MTOR: variants seen among roughly 807,000 people sequenced by gnomAD.
MTOR encodes mechanistic target of rapamycin kinase.
A neutral mutation model predicts 319.8 loss-of-function variants in MTOR; 70 were observed. The observed-to-expected ratio is 0.22, with a 90% confidence interval of 0.18 to 0.27. The LOEUF is 0.27. Ranked by LOEUF, MTOR falls within the 10% of genes least tolerant of loss-of-function variation. The pLI is 1.00. For synonymous variants in MTOR, 1,183 were observed against 1,211.4 expected (o/e 0.98, Z 0.49); for missense variants, 1,890 against 3,274.4 (o/e 0.58, Z 10.32).
At chr1:11,194,849 G>A (rs750585370) in intron 28 of MTOR, 2 of 1,613,818 alleles carry the variant, frequency 1.2e-6, no homozygotes, top group Non-Finnish European at 1.7e-6. Flanking sequence ...TGTTTCTCAT[G>A]CCAGGTGGCT....
At chr1:11,194,903 C>CT (rs778275383) in intron 28 of MTOR, 4 of 1,614,190 alleles carry the variant, frequency 2.5e-6, no homozygotes, top group Non-Finnish European at 3.4e-6. Context: ...ATGGAGTGTA[C>CT]TACCGCCTGG....
rs1307533878 is a variant in MTOR at position 11,106,900 on chromosome 1, GC to G, written c.*584del. 4.4e-6 allele frequency: 6 copies of G among 1,364,824 alleles called. No homozygotes were observed. The highest frequency in any genetic ancestry group is 4.8e-6 in the Non-Finnish European group (5 of 1,036,206). The allele number at this position is 1,364,824 out of a possible 1,614,324, so 84.5% of individuals were successfully genotyped here. ...GGTCTTGAATTGAAGCGTGTGAGTC[GC>G]AGCATCACTGGGTCTGATGGAAGAC... On this transcript the variant is annotated 3_prime_UTR_variant, in exon 58 of 58. Transcript: ENST00000361445.
intron 28 of MTOR, among the ~76,000 whole-genome samples, chr1:11,175,538 A>G (rs1644955237): frequency 6.6e-6 from 1 of 152,146 alleles, no homozygotes; most frequent in Non-Finnish European, 1.5e-5. Context: ...AGCAAACATC[A>G]CACCATTACG....
chr1:11,231,471 A>G, intron 16 of MTOR, 37 bp from the exon 17 acceptor site: 1 of 1,609,546 alleles, frequency 6.2e-7, no homozygotes, highest in Non-Finnish European at 8.5e-7. Context: ...ATGAGCCAGT[A>G]CGAGAGAAAA....
intron 23 of MTOR, among the ~76,000 whole-genome samples, chr1:11,211,731 A>G (rs1220549872): frequency 6.6e-6 from 1 of 152,130 alleles, no homozygotes; most frequent in East Asian, 1.9e-4. Context: ...TCCAGGAATG[A>G]TATTTTGAGA....
chr1:11,205,471 T>G (rs1310525945), intron 25 of MTOR, among the ~76,000 whole-genome samples: 1 of 152,228 alleles, frequency 6.6e-6, no homozygotes, highest in Non-Finnish European at 1.5e-5. Flanking sequence ...TAGTTTCTGC[T>G]TCCTGGGGTG....
rs922216738 is a variant in MTOR at position 11,229,842 on chromosome 1, T to C, written c.2780-924A>G. Among the ~76,000 whole-genome samples, 4 of 152,074 alleles carry C rather than the reference T, an allele frequency of 2.6e-5. 1 individual carries two copies. Among genetic ancestry groups the C allele is most frequent in the Admixed American group, 2.6e-4 (4 of 15,262 alleles). ...CTATACAAAAAGTATCGAGGTGTGGTGGCACACGCCTGTAGTCCCAGCTAC... is the reference window on the plus strand; with the variant it reads ...CTATACAAAAAGTATCGAGGTGTGGCGGCACACGCCTGTAGTCCCAGCTAC... On this transcript the variant is annotated intron_variant, in intron 18 of 57. Coordinates refer to ENST00000361445, the MANE Select transcript of MTOR (RefSeq NM_004958.4).
intron 19 of MTOR, among the ~76,000 whole-genome samples, chr1:11,227,297 CAAAAAAAAAAAAAA>C (rs59546882): frequency 1.4e-5 from 1 of 74,052 alleles, no homozygotes; most frequent in Non-Finnish European, 2.3e-5. Context: ...GACTTTGTCT[CAAAAAAAAAAAAAA>C]AAAAAAAAAA....
Position 11,212,672 on chromosome 1 carries a change from A to G in MTOR, c.3398+124T>C. 9.2e-7 allele frequency: 1 copy of G among 1,089,938 alleles called. No homozygotes were observed. Among genetic ancestry groups the G allele is most frequent in the East Asian group, 2.4e-5 (1 of 41,916 alleles). The allele number at this position is 1,089,938 out of a possible 1,614,324, so 67.5% of individuals were successfully genotyped here. On this transcript the variant is annotated intron_variant, in intron 22 of 57. Coordinates refer to ENST00000361445, the MANE Select transcript of MTOR (RefSeq NM_004958.4). This position sits in a 1 kb window ranked among gnomAD's most constrained non-coding sequence, Gnocchi z 4.1. ...TTCCATAAACCTGGGATATTTCTAG[A>G]CTAAAATAATGTGAGTTGAAATAAC...
intron 30 of MTOR, among the ~76,000 whole-genome samples, chr1:11,150,815 A>T (rs1265618215): frequency 6.6e-6 from 1 of 152,216 alleles, no homozygotes; most frequent in East Asian, 1.9e-4. Context: ...AATGGTGCTT[A>T]AGACACCCCA....
chr1:11,255,935 G>C (rs1438168636), intron 5 of MTOR, 57 bp downstream of exon 5: 3 of 1,543,310 alleles, frequency 1.9e-6, no homozygotes, highest in Non-Finnish European at 2.7e-6. Context: ...CTTTAGGCCA[G>C]GTGATTCTCT....
At chr1:11,236,531 C>CA (rs1333896555) in intron 13 of MTOR, among the ~76,000 whole-genome samples, 3 of 134,448 alleles carry the variant, frequency 2.2e-5, no homozygotes, top group Non-Finnish European at 4.7e-5. Flanking sequence ...TTTTTTGAGA[C>CA]AGAGTCTCGC....
chr1:11,128,158 G>A lies in MTOR; in HGVS notation c.5911-32C>T, dbSNP rs201184277. On this transcript the variant is annotated intron_variant, in intron 42 of 57. Coordinates refer to ENST00000361445, the MANE Select transcript of MTOR (RefSeq NM_004958.4). The surrounding 1 kb of genome is among the most constrained non-coding windows in gnomAD (Gnocchi z 5.3). ...GAAAAACAGAAGAAACATCTATAAA[G>A]GAAATGTGGGTTGGGGAAGAGCTGG... 484 of 1,612,024 alleles carry A rather than the reference G, an allele frequency of 3.0e-4. 3 individuals carry two copies. In the African/African-American group the frequency reaches 5.1e-3, roughly 17 times the overall value.
chr1:11,138,528 C>T (rs932159235), intron 36 of MTOR, among the ~76,000 whole-genome samples: 1 of 152,170 alleles, frequency 6.6e-6, no homozygotes, highest in African/African-American at 2.4e-5. Context: ...TCTGCAGAAA[C>T]ACAACTTCTA....
chr1:11,172,222 A>G (rs975911832), intron 28 of MTOR, among the ~76,000 whole-genome samples: 1 of 152,128 alleles, frequency 6.6e-6, no homozygotes, highest in African/African-American at 2.4e-5. Context: ...CTTGGGATCC[A>G]TGATAAGCTC....
intron 3 of MTOR, among the ~76,000 whole-genome samples, chr1:11,257,482 G>A (rs1296628293): frequency 1.4e-5 from 2 of 147,318 alleles, no homozygotes; most frequent in Non-Finnish European, 3.0e-5. Flanking sequence ...AGAATTGCTT[G>A]GACCTGGGAG....
intron 28 of MTOR, among the ~76,000 whole-genome samples, chr1:11,172,468 G>C (rs980198468): frequency 6.7e-6 from 1 of 149,790 alleles, no homozygotes; most frequent in Non-Finnish European, 1.5e-5. Context: ...ACTGAGGCAG[G>C]AGAATGGCAT....
At chr1:11,145,277 A>G in intron 32 of MTOR, 1 of 537,454 alleles carries the variant, frequency 1.9e-6, no homozygotes, top group Non-Finnish European at 3.3e-6. Flanking sequence ...ACATCTATCT[A>G]AGGTAACACA....
Position 11,129,694 on chromosome 1 carries a change from A to G in MTOR, c.5714+44T>C, listed in dbSNP as rs1002158741. 3.2e-6 allele frequency: 5 copies of G among 1,566,386 alleles called. No homozygotes were observed. The highest frequency in any genetic ancestry group is 2.2e-5 in the South Asian group (2 of 89,184). Reference sequence around the variant, plus strand: ...TTACGTGTGACTTCTAGGTCTTGCCATTAACATGGCCTACCAGAGTTGCAT... The same window carrying G: ...TTACGTGTGACTTCTAGGTCTTGCCGTTAACATGGCCTACCAGAGTTGCAT... On this transcript the variant is annotated intron_variant, in intron 40 of 57. Coordinates refer to ENST00000361445, the MANE Select transcript of MTOR (RefSeq NM_004958.4). The surrounding 1 kb of genome is among the most constrained non-coding windows in gnomAD (Gnocchi z 4.7).
Sources: gnomAD v4.1 joint callset for allele counts (sites outside exome capture counted in the v4.1 genomes callset) on GRCh38, gnomAD v4.1.1 for gene constraint, Gnocchi (gnomAD v3.1) non-coding constraint, MANE v1.5 for transcripts, NCBI Gene and HGNC (gene_info 2026-07-23, HGNC 2026-07-21) for gene names.